RPTOR: variants seen among roughly 807,000 people sequenced by gnomAD.
RPTOR encodes regulatory-associated protein of mTOR.
Under a neutral mutation model 169.9 loss-of-function variants are expected in RPTOR, and 21 were observed. The observed-to-expected ratio is 0.12, with a 90% CI of 0.09 to 0.18. The LOEUF is 0.18. Among genes scored for constraint, RPTOR ranks in the 10% least tolerant of loss-of-function variants. The pLI is 1.00. For synonymous variants in RPTOR, 732 were observed against 753.2 expected (o/e 0.97, Z 0.46); for missense variants, 1,133 against 1,855.9 (o/e 0.61, Z 7.16).
chr17:80,890,380 T>A (rs2068305685), intron 17 of RPTOR, among the ~76,000 whole-genome samples: 1 of 152,222 alleles, frequency 6.6e-6, no homozygotes, highest in Non-Finnish European at 1.5e-5. Flanking sequence ...CGGCAGTGCC[T>A]CACTCCTCTT....
At chr17:80,918,829 G>A (rs561887649) in intron 21 of RPTOR, among the ~76,000 whole-genome samples, 9 of 152,260 alleles carry the variant, frequency 5.9e-5, no homozygotes, top group East Asian at 1.9e-4. Context: ...GTCAGCACTC[G>A]TGTCTGTGTC....
intron 24 of RPTOR, among the ~76,000 whole-genome samples, chr17:80,933,636 G>A (rs899710082): frequency 6.6e-6 from 1 of 152,056 alleles, no homozygotes; most frequent in African/African-American, 2.4e-5. Flanking sequence ...GCAATATAAG[G>A]GACCCAGAAT....
intron 24 of RPTOR, among the ~76,000 whole-genome samples, chr17:80,938,615 A>G (rs1342378601): frequency 6.6e-6 from 1 of 152,200 alleles, no homozygotes; most frequent in East Asian, 1.9e-4. Context: ...TAAATCAGAA[A>G]ATGTGCGGAG....
At chr17:80,796,820 C>T (rs1270050127) in intron 7 of RPTOR, among the ~76,000 whole-genome samples, 1 of 152,216 alleles carries the variant, frequency 6.6e-6, no homozygotes, top group Non-Finnish European at 1.5e-5. Flanking sequence ...CCCGTGGTGC[C>T]TCCGCCTCAC....
intron 3 of RPTOR, among the ~76,000 whole-genome samples, chr17:80,697,841 G>A (rs2066050328): frequency 6.6e-6 from 1 of 152,212 alleles, no homozygotes; most frequent in Admixed American, 6.5e-5. Context: ...GGGGGACTTG[G>A]AGAGGGGTCA....
At chr17:80,669,182 G>A (rs1306322496) in intron 3 of RPTOR, among the ~76,000 whole-genome samples, 1 of 152,206 alleles carries the variant, frequency 6.6e-6, no homozygotes, top group Non-Finnish European at 1.5e-5. Context: ...GTGGGAATGT[G>A]GGTAGGGGGC....
intron 9 of RPTOR, among the ~76,000 whole-genome samples, chr17:80,831,300 C>T (rs1314428767): frequency 3.9e-5 from 6 of 152,174 alleles, no homozygotes; most frequent in Non-Finnish European, 5.9e-5. Context: ...GAGGCTGAGA[C>T]GATTCCTCAG....
intron 13 of RPTOR, among the ~76,000 whole-genome samples, chr17:80,868,341 A>G (rs1269607914): frequency 6.6e-6 from 1 of 152,200 alleles, no homozygotes; most frequent in Non-Finnish European, 1.5e-5. Context: ...GCTGAATATC[A>G]TTAGTCACCA....
At chr17:80,687,155 C>G (rs1384087767) in intron 3 of RPTOR, among the ~76,000 whole-genome samples, 1 of 152,236 alleles carries the variant, frequency 6.6e-6, no homozygotes. Flanking sequence ...CTGCAGGCCT[C>G]TGGCGCATTC....
rs563250289 is a variant in RPTOR at position 80,860,011 on chromosome 17, GCCAAGAACA to G, written c.1509+2114_1509+2122del. On this transcript the variant is annotated intron_variant, in intron 13 of 33. Transcript: ENST00000306801. The surrounding 1 kb of genome is among the most constrained non-coding windows in gnomAD (Gnocchi z 5.8). ...AGTCACAGAGCAAGTACAGGAGAGTGCCAAGAACACCTTGGAGAGGCCATGGCTTGGAGC... is the reference window on the plus strand; with the variant it reads ...AGTCACAGAGCAAGTACAGGAGAGTGCCTTGGAGAGGCCATGGCTTGGAGC... Among the ~76,000 whole-genome samples the G allele has an allele frequency of 4.5e-3, 690 of 152,324 alleles. 4 individuals are homozygous for G. Among genetic ancestry groups the G allele is most frequent in the Non-Finnish European group, 7.1e-3 (484 of 68,012 alleles).
chr17:80,920,997 G>A (rs548607934), intron 21 of RPTOR, among the ~76,000 whole-genome samples: 37 of 152,294 alleles, frequency 2.4e-4, no homozygotes, highest in African/African-American at 8.9e-4. Flanking sequence ...TTAAAAAATA[G>A]GAACGTTGCT....
chr17:80,689,962 C>T (rs1333648116), intron 3 of RPTOR, among the ~76,000 whole-genome samples: 1 of 152,134 alleles, frequency 6.6e-6, no homozygotes, highest in Non-Finnish European at 1.5e-5. Context: ...CAAGCAGATT[C>T]TAATTAAAGT....
At chr17:80,618,320 TC>T (rs1555597312) in intron 1 of RPTOR, among the ~76,000 whole-genome samples, 1 of 152,222 alleles carries the variant, frequency 6.6e-6, no homozygotes, top group Non-Finnish European at 1.5e-5. Context: ...AAACTTTTTT[TC>T]CCCCAGAATA....
At chr17:80,756,800 A>G (rs1349636817) in intron 6 of RPTOR, among the ~76,000 whole-genome samples, 3 of 152,200 alleles carry the variant, frequency 2.0e-5, no homozygotes, top group Non-Finnish European at 4.4e-5. Flanking sequence ...AAAATATCAC[A>G]TGGAGCCCCA....
chr17:80,931,161 C>T (rs951203819), intron 24 of RPTOR, among the ~76,000 whole-genome samples: 4 of 152,134 alleles, frequency 2.6e-5, no homozygotes, highest in South Asian at 2.1e-4. Context: ...GTTCCACCTC[C>T]GCCTGCAGAC....
In RPTOR at chr17:80,893,716, C is replaced by T. The variant is rs140597469; in HGVS notation, c.2252C>T (p.Ala751Val). 52 of 1,609,428 alleles carry T rather than the reference C, an allele frequency of 3.2e-5. No homozygotes were observed. The South Asian group carries it at 3.6e-4, about 11-fold the overall frequency. ...GTTGCGTCTCGGGCAGCTGGTGGCG[C>T]GGTGGCGTTCTCCCCCGGAAACCTC... ...NLSLTEESGG[A>V]VAFSPGNLST... Residue 751 changes from alanine to valine, a missense_variant, in exon 20 of 34, where the codon GCG becomes GTG. Physicochemically the swap from Ala to Val is moderately conservative, Grantham distance 64. Around this residue, in one of 9 missense-constraint regions of RPTOR, gnomAD observed 150 missense variants for 206.4 expected, o/e 0.73. Transcript: ENST00000306801.
intron 3 of RPTOR, among the ~76,000 whole-genome samples, chr17:80,650,418 C>T (rs768812484): frequency 6.6e-6 from 1 of 152,186 alleles, no homozygotes; most frequent in East Asian, 1.9e-4. Context: ...CTGGGCTCAC[C>T]GCTCCTTCCC....
intron 24 of RPTOR, among the ~76,000 whole-genome samples, chr17:80,930,669 C>A (rs2068886884): frequency 6.6e-6 from 1 of 152,206 alleles, no homozygotes; most frequent in African/African-American, 2.4e-5. Context: ...TCCAGGAAGA[C>A]CAGAATAGAA....
chr17:80,902,542 G>C (rs150539211), intron 20 of RPTOR, among the ~76,000 whole-genome samples: 1 of 152,194 alleles, frequency 6.6e-6, no homozygotes, highest in Non-Finnish European at 1.5e-5. Context: ...TCTTGCTAAC[G>C]CATGGATGTG....
Sources: gnomAD v4.1 joint callset for allele counts (sites outside exome capture counted in the v4.1 genomes callset) on GRCh38, gnomAD v4.1.1 for gene constraint, gnomAD v4.1.1 regional missense constraint, Gnocchi (gnomAD v3.1) non-coding constraint, MANE v1.5 for transcripts, NCBI Gene and HGNC (gene_info 2026-07-23, HGNC 2026-07-21) for gene names.